Variants in CNTNAP2 observed in about 807,000 individuals in gnomAD.
The protein encoded by CNTNAP2 is contactin-associated protein-like 2.
In CNTNAP2, 98 loss-of-function variants were observed where a neutral mutation model predicts 155.2. That is an observed-to-expected ratio of 0.63 (90% CI 0.54 to 0.75). The LOEUF is 0.75. CNTNAP2 is among the 30% of genes least tolerant of loss of function. The probability of loss-of-function intolerance (pLI) is 0.00; values close to 1 mark genes in which losing one functional copy is unlikely to be tolerated. For missense variants in CNTNAP2, 1,727 were observed against 1,688.1 expected, an observed-to-expected ratio of 1.02 and a Z score of -0.40; for synonymous variants, 651 against 631.2, an observed-to-expected ratio of 1.03 and a Z score of -0.47.
intron 8 of CNTNAP2, among the ~76,000 whole-genome samples, chr7:147,211,642 C>G (rs991252840): frequency 6.6e-6 from 1 of 151,960 alleles, no homozygotes; most frequent in African/African-American, 2.4e-5. Flanking sequence ...TCACCATATA[C>G]AAAAGTTAAC....
intron 1 of CNTNAP2, among the ~76,000 whole-genome samples, chr7:146,146,425 T>G (rs1797958894): frequency 6.6e-6 from 1 of 152,176 alleles, no homozygotes; most frequent in Admixed American, 6.6e-5. Flanking sequence ...TTGGTTTTGA[T>G]CTTCCTCTGA....
At chr7:147,630,728 A>G (rs1795072511) in intron 12 of CNTNAP2, among the ~76,000 whole-genome samples, 1 of 152,210 alleles carries the variant, frequency 6.6e-6, no homozygotes, top group Admixed American at 6.5e-5. Flanking sequence ...AAGTCATATG[A>G]GCATCCCAAT....
intron 15 of CNTNAP2, among the ~76,000 whole-genome samples, chr7:148,038,996 C>A (rs573599545): frequency 7.9e-5 from 12 of 152,180 alleles, no homozygotes; most frequent in African/African-American, 2.7e-4. Context: ...GAGACAGAAC[C>A]AATAGAAGAT....
intron 7 of CNTNAP2, among the ~76,000 whole-genome samples, chr7:147,131,697 A>G (rs1037166022): frequency 3.9e-5 from 6 of 152,126 alleles, no homozygotes; most frequent in Non-Finnish European, 7.4e-5. Flanking sequence ...CTTAATATCT[A>G]TCTATCTATA....
At chr7:147,891,366 G>A (rs1235033541) in intron 13 of CNTNAP2, among the ~76,000 whole-genome samples, 3 of 152,004 alleles carry the variant, frequency 2.0e-5, no homozygotes, top group East Asian at 3.9e-4. Flanking sequence ...CATCATGCCC[G>A]GCTAATTTTT....
chr7:147,624,958 C>A (rs919466339), intron 12 of CNTNAP2, among the ~76,000 whole-genome samples: 1 of 152,138 alleles, frequency 6.6e-6, no homozygotes, highest in African/African-American at 2.4e-5. Flanking sequence ...TTTGCAACAA[C>A]ATGGATGGAA....
rs536926073 is a variant in CNTNAP2 at position 146,289,756 on chromosome 7, A to G, written c.97+172783A>G. Among the ~76,000 whole-genome samples, 11 of 152,342 alleles carry G rather than the reference A, an allele frequency of 7.2e-5. No homozygotes were observed. The South Asian group carries it at 2.3e-3, about 32-fold the overall frequency. ...TCTCTTTTACTAAAAAATAAATTTT[A>G]TCATAGGAAATTATCTCATTTTATA... On this transcript the variant is annotated intron_variant, in intron 1 of 23. Coordinates refer to ENST00000361727, the MANE Select transcript of CNTNAP2 (RefSeq NM_014141.6).
intron 13 of CNTNAP2, among the ~76,000 whole-genome samples, chr7:147,811,724 C>T (rs866103691): frequency 3.9e-5 from 6 of 152,170 alleles, no homozygotes; most frequent in African/African-American, 1.2e-4. Flanking sequence ...GATCCCCATA[C>T]ATTTTACTCG....
chr7:147,624,006 C>G (rs567915517), intron 12 of CNTNAP2, among the ~76,000 whole-genome samples: 2 of 152,072 alleles, frequency 1.3e-5, no homozygotes, highest in South Asian at 4.1e-4. Flanking sequence ...AGAACATACT[C>G]TTAGGAAAAC....
intron 21 of CNTNAP2, among the ~76,000 whole-genome samples, chr7:148,304,548 A>G (rs1319941086): frequency 1.3e-5 from 2 of 152,182 alleles, no homozygotes; most frequent in African/African-American, 4.8e-5. Context: ...AGAGCCATAG[A>G]GTCTCTGTTG....
chr7:147,645,253 A>G (rs1795348307), intron 13 of CNTNAP2, among the ~76,000 whole-genome samples: 1 of 152,210 alleles, frequency 6.6e-6, no homozygotes, highest in Non-Finnish European at 1.5e-5. Flanking sequence ...ATTTTTAGCA[A>G]GAAATTCTAA....
chr7:147,859,854 G>A (rs1799107082), intron 13 of CNTNAP2, among the ~76,000 whole-genome samples: 1 of 152,138 alleles, frequency 6.6e-6, no homozygotes, highest in African/African-American at 2.4e-5. Context: ...AATGAATTTT[G>A]TACAATAGAT....
intron 13 of CNTNAP2, among the ~76,000 whole-genome samples, chr7:147,677,576 T>C (rs1795889127): frequency 6.6e-6 from 1 of 151,856 alleles, no homozygotes; most frequent in Non-Finnish European, 1.5e-5. Context: ...TGAAGTTATA[T>C]CCAAAAATCG....
chr7:146,696,548 T>C (rs961718624), intron 1 of CNTNAP2, among the ~76,000 whole-genome samples: 1 of 152,158 alleles, frequency 6.6e-6, no homozygotes, highest in Non-Finnish European at 1.5e-5. Context: ...ATTTGTATTA[T>C]AGATTTGCTT....
chr7:147,636,697 G>A (rs534568920), intron 12 of CNTNAP2, among the ~76,000 whole-genome samples: 5 of 152,046 alleles, frequency 3.3e-5, no homozygotes, highest in African/African-American at 9.7e-5. Flanking sequence ...ATTAACTTTC[G>A]TTAATTCCTC....
chr7:148,269,359 T>C (rs774275419), intron 21 of CNTNAP2, among the ~76,000 whole-genome samples: 5 of 152,262 alleles, frequency 3.3e-5, no homozygotes, highest in Admixed American at 6.5e-5. Context: ...CTCACCCTGA[T>C]GTCCTTATCT....
chr7:147,273,708 T>C (rs1262819841), intron 8 of CNTNAP2, among the ~76,000 whole-genome samples: 3 of 148,920 alleles, frequency 2.0e-5, no homozygotes, highest in Non-Finnish European at 3.0e-5. Context: ...TATGGCTACA[T>C]AGTATTTCAT....
At chr7:146,395,182 T>C (rs1795601856) in intron 1 of CNTNAP2, among the ~76,000 whole-genome samples, 1 of 152,188 alleles carries the variant, frequency 6.6e-6, no homozygotes. Context: ...TCTTTGCCAT[T>C]GTGAATAGTG....
At chr7:147,571,529 G>A (rs983016529) in intron 12 of CNTNAP2, among the ~76,000 whole-genome samples, 2 of 151,948 alleles carry the variant, frequency 1.3e-5, no homozygotes, top group Non-Finnish European at 2.9e-5. Context: ...ATTTTTCAAT[G>A]TAAAGTCTTA....
Sources: allele counts gnomAD v4.1 joint callset (sites outside exome capture counted in the v4.1 genomes callset), GRCh38; gene constraint gnomAD v4.1.1; transcripts MANE v1.5; gene names NCBI Gene and HGNC (gene_info 2026-07-23, HGNC 2026-07-21).